The following NSMCE2 variants were observed in gnomAD, a reference collection of about 807,000 sequenced individuals.
The protein encoded by NSMCE2 is E3 SUMO-protein ligase NSE2.
NSMCE2 carries 24 observed loss-of-function variants against 23.8 expected under a neutral mutation model. That is an observed-to-expected ratio of 1.01 (90% CI 0.73 to 1.42). NSMCE2 has a LOEUF of 1.42. Among genes scored for constraint, NSMCE2 ranks in the 40% most tolerant of loss-of-function variants. NSMCE2 has a pLI of 0.00. For missense variants in NSMCE2, 284 were observed against 296.5 expected (o/e 0.96, Z 0.31); for synonymous variants, 92 against 94.1 (o/e 0.98, Z 0.13).
At chr8:125,316,730 CT>C (rs374428480) in intron 5 of NSMCE2, among the ~76,000 whole-genome samples, 31,312 of 66,146 alleles carry the variant, frequency 0.47, 5,566 homozygotes, top group Middle Eastern at 0.56. Context: ...TTCTTTCCTT[CT>C]TTTCCTTCCT....
intron 6 of NSMCE2, 99 bp downstream of exon 6, chr8:125,357,418 T>C: frequency 1.2e-6 from 1 of 863,746 alleles, no homozygotes; most frequent in Non-Finnish European, 1.9e-6. Context: ...CTTAGGGAGT[T>C]AAGGAGGGAG....
rs538200012 is a variant in NSMCE2 at position 125,344,992 on chromosome 8, T to C, written c.419-12227T>C. Among the ~76,000 whole-genome samples the C allele has an allele frequency of 1.3e-4, 19 of 151,818 alleles. No homozygotes were observed. The South Asian group carries it at 3.3e-3, about 27-fold the overall frequency. ...TTCTCTATTATAAAAACAACAGTAA[T>C]TGAATGTCTGTCCCACCTTGGTAAA... On this transcript the variant is annotated intron_variant, in intron 5 of 7. Transcript: ENST00000287437.
At chr8:125,343,418 A>ATTAT (rs1830319536) in intron 5 of NSMCE2, among the ~76,000 whole-genome samples, 1 of 152,226 alleles carries the variant, frequency 6.6e-6, no homozygotes, top group Admixed American at 6.5e-5. Flanking sequence ...CAAGTATTTT[A>ATTAT]TTATTGTTTG....
chr8:125,248,379 A>G (rs1826073535), intron 5 of NSMCE2, among the ~76,000 whole-genome samples: 1 of 152,240 alleles, frequency 6.6e-6, no homozygotes, highest in African/African-American at 2.4e-5. Context: ...GATTTTGCAT[A>G]TAAAGAACTG....
intron 3 of NSMCE2, among the ~76,000 whole-genome samples, chr8:125,124,470 T>TTCTCTCTCTCTCTCTCTCTCTCTC (rs376240525): frequency 1.4e-5 from 2 of 146,232 alleles, no homozygotes; most frequent in African/African-American, 5.0e-5. Flanking sequence ...TCCTCAGGAT[T>TTCTCTCTCTCTCTCTCTCTCTCTC]TCTCTCTCTC....
intron 4 of NSMCE2, among the ~76,000 whole-genome samples, chr8:125,151,630 G>T (rs968033070): frequency 6.6e-6 from 1 of 152,126 alleles, no homozygotes; most frequent in African/African-American, 2.4e-5. Flanking sequence ...ATTGAGACCA[G>T]GTTTAGTTAC....
intron 5 of NSMCE2, among the ~76,000 whole-genome samples, chr8:125,283,105 A>G (rs990117318): frequency 2.0e-5 from 3 of 152,246 alleles, no homozygotes; most frequent in African/African-American, 4.8e-5. Flanking sequence ...GAGTAATAAT[A>G]TCTACATCAT....
chr8:125,267,003 C>CTTTTTTTTTTTTT (rs35990794), intron 5 of NSMCE2, among the ~76,000 whole-genome samples: 78 of 111,966 alleles, frequency 7.0e-4, no homozygotes, highest in Non-Finnish European at 1.1e-3. Flanking sequence ...TTTTTTCTTT[C>CTTTTTTTTTTTTT]TTTTTTTTTT....
At chr8:125,191,062 G>A (rs1346784939) in intron 5 of NSMCE2, among the ~76,000 whole-genome samples, 1 of 152,040 alleles carries the variant, frequency 6.6e-6, no homozygotes, top group Admixed American at 6.5e-5. Context: ...AGTAGAGACG[G>A]GGTTTCACCA....
chr8:125,103,699 A>G (rs1586428332), intron 3 of NSMCE2, among the ~76,000 whole-genome samples: 1 of 152,324 alleles, frequency 6.6e-6, no homozygotes, highest in South Asian at 2.1e-4. Context: ...TTCAATTTGA[A>G]TAATTTCTAT....
intron 5 of NSMCE2, among the ~76,000 whole-genome samples, chr8:125,205,785 T>C (rs548585264): frequency 8.4e-4 from 128 of 152,316 alleles, no homozygotes; most frequent in African/African-American, 2.9e-3. Flanking sequence ...GTTAGAATTA[T>C]AGGTTGTAAA....
intron 4 of NSMCE2, among the ~76,000 whole-genome samples, chr8:125,178,609 G>A (rs1822611866): frequency 6.6e-6 from 1 of 152,208 alleles, no homozygotes; most frequent in Non-Finnish European, 1.5e-5. Flanking sequence ...GGTGGCTGAC[G>A]CCTGTAATCC....
chr8:125,142,261 T>TA lies in NSMCE2; in HGVS notation c.158-8909dup, dbSNP rs201563612. Among the ~76,000 whole-genome samples the TA allele has an allele frequency of 5.0e-4, 76 of 152,326 alleles. No homozygotes were observed. In the East Asian group the frequency reaches 0.014, roughly 29 times the overall value. On this transcript the variant is annotated intron_variant, in intron 3 of 7. Coordinates refer to ENST00000287437, the MANE Select transcript of NSMCE2 (RefSeq NM_173685.4). ...ATCAGCTTTCTGAAGTAGTTACTGT[T>TA]ATTGTACCCATTATATATAAAAGGA... is the stretch of plus-strand genomic sequence containing the variant.
chr8:125,138,504 A>G (rs1441742730), intron 3 of NSMCE2, among the ~76,000 whole-genome samples: 1 of 150,966 alleles, frequency 6.6e-6, no homozygotes, highest in African/African-American at 2.4e-5. Context: ...GGGATTACAG[A>G]TGTGAGCCAC....
intron 3 of NSMCE2, among the ~76,000 whole-genome samples, chr8:125,128,395 C>T (rs1330462022): frequency 6.6e-6 from 1 of 151,876 alleles, no homozygotes; most frequent in Non-Finnish European, 1.5e-5. Flanking sequence ...TTATAAAAGA[C>T]AAAGGAGGAG....
chr8:125,319,719 A>G (rs1215079357), intron 5 of NSMCE2, among the ~76,000 whole-genome samples: 3 of 152,186 alleles, frequency 2.0e-5, no homozygotes, highest in African/African-American at 7.2e-5. Context: ...ATGAAATAAA[A>G]AAAAGAATCT....
intron 5 of NSMCE2, among the ~76,000 whole-genome samples, chr8:125,308,919 C>T (rs1436108938): frequency 6.6e-6 from 1 of 152,172 alleles, no homozygotes; most frequent in African/African-American, 2.4e-5. Flanking sequence ...AGCTTGATAA[C>T]GTGGGGCCAG....
intron 5 of NSMCE2, among the ~76,000 whole-genome samples, chr8:125,284,369 C>T (rs746084293): frequency 3.9e-5 from 6 of 152,200 alleles, no homozygotes; most frequent in Admixed American, 6.5e-5. Flanking sequence ...GGCTGCCATC[C>T]ACTTCAGAGA....
intron 5 of NSMCE2, among the ~76,000 whole-genome samples, chr8:125,315,522 A>G (rs1332355812): frequency 6.6e-6 from 1 of 152,220 alleles, no homozygotes; most frequent in Non-Finnish European, 1.5e-5. Context: ...CCTCATGGGC[A>G]TGTAAGGATT....
Sources: gnomAD v4.1 joint callset for allele counts (sites outside exome capture counted in the v4.1 genomes callset) on GRCh38, gnomAD v4.1.1 for gene constraint, MANE v1.5 for transcripts, NCBI Gene and HGNC (gene_info 2026-07-23, HGNC 2026-07-21) for gene names.